The following SMYD3 variants were observed in gnomAD, a reference collection of about 807,000 sequenced individuals.
SMYD3 encodes the protein SET and MYND domain containing 3.
Under a neutral mutation model 57.7 loss-of-function variants are expected in SMYD3, and 36 were observed. The observed-to-expected ratio is 0.62, with a 90% CI of 0.48 to 0.82. SMYD3 has a LOEUF of 0.82. SMYD3 is among the 40% of genes least tolerant of loss of function. The pLI, the probability that SMYD3 is intolerant of heterozygous loss-of-function variation, is 0.00. For missense variants in SMYD3, 515 were observed against 538.8 expected (o/e 0.96, Z 0.44); for synonymous variants, 211 against 195.0 (o/e 1.08, Z -0.68).
chr1:246,392,941 G>A (rs2066596635), intron 1 of SMYD3, among the ~76,000 whole-genome samples: 2 of 151,884 alleles, frequency 1.3e-5, no homozygotes, highest in African/African-American at 4.8e-5. Flanking sequence ...AAAGACAGGC[G>A]ACTTCAAACA....
intron 5 of SMYD3, among the ~76,000 whole-genome samples, chr1:246,194,492 C>T (rs2062799091): frequency 6.6e-6 from 1 of 152,110 alleles, no homozygotes; most frequent in Non-Finnish European, 1.5e-5. Flanking sequence ...TGGTCTCGAA[C>T]TCCCGACCTC....
chr1:246,316,877 C>T (rs1473224432), intron 5 of SMYD3, among the ~76,000 whole-genome samples: 1 of 150,976 alleles, frequency 6.6e-6, no homozygotes, highest in Non-Finnish European at 1.5e-5. Flanking sequence ...GGCCTGTAGT[C>T]CCAGATACTC....
At chr1:246,322,688 A>G (rs1204151758) in intron 5 of SMYD3, among the ~76,000 whole-genome samples, 1 of 152,138 alleles carries the variant, frequency 6.6e-6, no homozygotes, top group African/African-American at 2.4e-5. Context: ...CCGTTCAGCC[A>G]CACACTCCCC....
intron 1 of SMYD3, among the ~76,000 whole-genome samples, chr1:246,363,068 C>T (rs1209907769): frequency 2.7e-5 from 4 of 150,768 alleles, no homozygotes; most frequent in Admixed American, 2.6e-4. Context: ...GCGCCTCTGC[C>T]CCACCGCCCC....
rs1558351306 is a variant in SMYD3 at position 245,798,395 on chromosome 1, C to CACACACACCACACAT, written c.1077-34247_1077-34246insATGTGTGGTGTGTGT. ...ACCTGTCAACACACACACGCGCACA[C>CACACACACCACACAT]ACACACACACATACACACACATACA... On this transcript the variant is annotated intron_variant, in intron 10 of 11. Coordinates refer to ENST00000490107, the MANE Select transcript of SMYD3 (RefSeq NM_001167740.2). Among the ~76,000 whole-genome samples, 5 of 21,244 alleles carry CACACACACCACACAT rather than the reference C, an allele frequency of 2.4e-4. 1 individual carries two copies. Among genetic ancestry groups the CACACACACCACACAT allele is most frequent in the East Asian group, 0.062 (1 of 16 alleles). 13.9% of individuals were successfully genotyped at this position (21,244 alleles called of 152,430 possible). A position where few individuals can be genotyped will look rare whatever the true frequency, so the allele number is the denominator to read the frequency against.
rs545480475 is a variant in SMYD3, at chr1:246,268,525, G to A, written c.531+58676C>T. On this transcript the variant is annotated intron_variant, in intron 5 of 11. Transcript: ENST00000490107. The stretch of plus-strand genomic sequence containing the variant: ...CCATCCTGACCAATATGGTGACCCC[G>A]TCTCTACTAAAATACACAAAAAAAA... Among the ~76,000 whole-genome samples the A allele has an allele frequency of 8.6e-5, 13 of 150,746 alleles. No individual in the cohort carries two copies. In the East Asian group the frequency reaches 9.9e-4, roughly 11 times the overall value.
chr1:245,987,392 A>T (rs2148098314), intron 5 of SMYD3, among the ~76,000 whole-genome samples: 1 of 152,320 alleles, frequency 6.6e-6, no homozygotes, highest in East Asian at 1.9e-4. Flanking sequence ...TACCCACTAC[A>T]CACCATTACT....
At chr1:246,027,022 T>C (rs1313882584) in intron 5 of SMYD3, among the ~76,000 whole-genome samples, 1 of 152,236 alleles carries the variant, frequency 6.6e-6, no homozygotes, top group African/African-American at 2.4e-5. Context: ...GACAGCCTTA[T>C]TGCTGATAGG....
In SMYD3 at chr1:245,927,956, A is replaced by C; in HGVS notation, c.677T>G (p.Val226Gly). The change falls in exon 7 of 12, where the codon GTC becomes GGC. Residue 226 changes from valine to glycine, a missense_variant. Val to Gly is a moderately radical substitution (Grantham distance 109). Coordinates refer to ENST00000490107, the MANE Select transcript of SMYD3 (RefSeq NM_001167740.2). Reference protein sequence around the residue: ...FNGPHLLLRAVRDIEVGEELT... With the variant: ...FNGPHLLLRAGRDIEVGEELT... ...CTCCTCTCCCACCTCGATGTCTCGG[A>C]CTGCTCGCAGTAAGAGGTGGGGCCC... 6.2e-7 allele frequency: 1 copy of C among 1,612,490 alleles called. No homozygotes were observed.
At chr1:245,793,435 T>A (rs1055947155) in intron 10 of SMYD3, among the ~76,000 whole-genome samples, 1 of 152,250 alleles carries the variant, frequency 6.6e-6, no homozygotes, top group East Asian at 1.9e-4. Flanking sequence ...GGGGCAGGAA[T>A]GAAAACCGTT....
At chr1:246,507,006 A>ACCCCCCC in intron 1 of SMYD3, 48 bp downstream of exon 1, 2 of 989,830 alleles carry the variant, frequency 2.0e-6, no homozygotes, top group Non-Finnish European at 2.7e-6. Flanking sequence ...CCTCCCCAGC[A>ACCCCCCC]CCCCACACAG....
intron 8 of SMYD3, among the ~76,000 whole-genome samples, chr1:245,913,031 T>C (rs1406243256): frequency 6.6e-6 from 1 of 152,236 alleles, no homozygotes; most frequent in African/African-American, 2.4e-5. Flanking sequence ...CAAAGGATTA[T>C]AAGTCATGCT....
intron 5 of SMYD3, among the ~76,000 whole-genome samples, chr1:246,315,943 ACT>A (rs1403439199): frequency 1.3e-5 from 2 of 152,164 alleles, no homozygotes; most frequent in Admixed American, 6.5e-5. Flanking sequence ...TAAAAAAAAC[ACT>A]CTGTTTCTGC....
chr1:246,503,733 C>T (rs772734772), intron 1 of SMYD3, among the ~76,000 whole-genome samples: 5 of 152,080 alleles, frequency 3.3e-5, no homozygotes, highest in South Asian at 4.1e-4. Flanking sequence ...GAGGCTGAGG[C>T]GGGTAGATCA....
intron 5 of SMYD3, among the ~76,000 whole-genome samples, chr1:246,216,158 A>G (rs7418754): frequency 0.27 from 40,280 of 151,740 alleles, 6,078 homozygotes; most frequent in East Asian, 0.58. Flanking sequence ...GTGATGGTGC[A>G]CACCTGCAAT....
intron 10 of SMYD3, among the ~76,000 whole-genome samples, chr1:245,840,399 A>C (rs1451847874): frequency 6.6e-6 from 1 of 152,182 alleles, no homozygotes; most frequent in Non-Finnish European, 1.5e-5. Flanking sequence ...TTTTCATTGA[A>C]AATTATTTTG....
At chr1:246,340,840 A>C (rs1049807002) in intron 2 of SMYD3, among the ~76,000 whole-genome samples, 3 of 152,190 alleles carry the variant, frequency 2.0e-5, no homozygotes, top group African/African-American at 7.2e-5. Context: ...ACATGATGGC[A>C]TGCACCTGTA....
intron 1 of SMYD3, among the ~76,000 whole-genome samples, chr1:246,366,764 C>G (rs559345772): frequency 1.7e-4 from 26 of 151,784 alleles, no homozygotes; most frequent in Middle Eastern, 3.4e-3. Context: ...AACCCTGTCT[C>G]TACTAAATAT....
intron 10 of SMYD3, among the ~76,000 whole-genome samples, chr1:245,826,475 A>G (rs2153410): frequency 0.072 from 10,948 of 152,152 alleles, 446 homozygotes; most frequent in East Asian, 0.17. Context: ...TCAGCCTCCC[A>G]AAGTGCTAGG....
Sources: gnomAD v4.1 joint callset for allele counts (sites outside exome capture counted in the v4.1 genomes callset) on GRCh38, gnomAD v4.1.1 for gene constraint, MANE v1.5 for transcripts, NCBI Gene and HGNC (gene_info 2026-07-23, HGNC 2026-07-21) for gene names.